Variants in NUBPL observed in about 807,000 individuals in gnomAD.
The protein encoded by NUBPL is iron-sulfur cluster transfer protein NUBPL.
Under a neutral mutation model 45.7 loss-of-function variants are expected in NUBPL, and 31 were observed. The ratio of observed to expected loss-of-function variants is 0.68; its 90% CI spans 0.51 to 0.92. NUBPL has a LOEUF of 0.92. Among genes scored for constraint, NUBPL ranks in the 40% least tolerant of loss-of-function variants. The pLI, the probability that NUBPL is intolerant of heterozygous loss-of-function variation, is 0.00. For missense variants in NUBPL, 401 were observed against 398.7 expected (o/e 1.01, Z -0.05); for synonymous variants, 144 against 140.9 (o/e 1.02, Z -0.15).
At chr14:31,610,608 C>CAAAAAAAAA (rs775656176) in intron 4 of NUBPL, among the ~76,000 whole-genome samples, 14 of 94,660 alleles carry the variant, frequency 1.5e-4, no homozygotes, top group South Asian at 3.9e-4. Context: ...AAAGATACAT[C>CAAAAAAAAA]AAAAAAAAAA....
At chr14:31,575,662 C>A (rs910417034) in intron 3 of NUBPL, among the ~76,000 whole-genome samples, 1 of 152,102 alleles carries the variant, frequency 6.6e-6, no homozygotes, top group African/African-American at 2.4e-5. Context: ...GGAGGCTCAT[C>A]TTTTCTTTAA....
chr14:31,605,890 T>TCTCCTCCCTTCTCCTTCCTCCTCTC (rs2034579208), intron 4 of NUBPL, among the ~76,000 whole-genome samples: 1 of 137,522 alleles, frequency 7.3e-6, no homozygotes, highest in Non-Finnish European at 1.6e-5. Flanking sequence ...CTCCTCCTTG[T>TCTCCTCCCTTCTCCTTCCTCCTCTC]CTCCTCCCTT....
chr14:31,846,608 T>C lies in NUBPL; in HGVS notation c.814+17T>C. ...AAGTTCTAGGTAAGACTGTGGGATG[T>C]TCTTTTGTAGAAGAAGTGGCAGAAG... On this transcript the variant is annotated intron_variant, in intron 9 of 10. Coordinates refer to ENST00000281081, the MANE Select transcript of NUBPL (RefSeq NM_025152.3). 1.2e-6 allele frequency: 2 copies of C among 1,613,000 alleles called. No individual in the cohort carries two copies. Among genetic ancestry groups the C allele is most frequent in the Non-Finnish European group, 1.7e-6 (2 of 1,179,492 alleles).
intron 7 of NUBPL, among the ~76,000 whole-genome samples, chr14:31,826,155 C>G (rs1489362656): frequency 1.3e-5 from 2 of 152,092 alleles, no homozygotes; most frequent in Non-Finnish European, 2.9e-5. Context: ...AAGTCTTGCT[C>G]TGTCACCCAG....
chr14:31,638,449 G>A (rs1292827496), intron 4 of NUBPL, among the ~76,000 whole-genome samples: 5 of 151,584 alleles, frequency 3.3e-5, no homozygotes, highest in Admixed American at 2.0e-4. Context: ...AGTTTCTGCC[G>A]AGAGATCCGC....
chr14:31,724,636 C>G (rs1189733408), intron 6 of NUBPL, among the ~76,000 whole-genome samples: 2 of 152,262 alleles, frequency 1.3e-5, no homozygotes, highest in South Asian at 2.1e-4. Context: ...CTGCTTTTTA[C>G]TTGAATTATT....
intron 4 of NUBPL, among the ~76,000 whole-genome samples, chr14:31,671,710 C>T (rs1056157197): frequency 1.3e-5 from 2 of 152,108 alleles, no homozygotes; most frequent in African/African-American, 4.8e-5. Flanking sequence ...TTAGTTTAGC[C>T]AGAAATTAAA....
chr14:31,616,648 A>C (rs890498814), intron 4 of NUBPL, among the ~76,000 whole-genome samples: 3 of 152,212 alleles, frequency 2.0e-5, no homozygotes, highest in Non-Finnish European at 4.4e-5. Context: ...TTTTGGTAGC[A>C]GTACCAAGCT....
intron 7 of NUBPL, among the ~76,000 whole-genome samples, chr14:31,814,274 C>G (rs557726905): frequency 6.6e-6 from 1 of 152,308 alleles, no homozygotes; most frequent in African/African-American, 2.4e-5. Flanking sequence ...TTGCATTTCT[C>G]TAATGACCAG....
At chr14:31,605,773 T>C (rs912966333) in intron 4 of NUBPL, among the ~76,000 whole-genome samples, 3 of 150,358 alleles carry the variant, frequency 2.0e-5, no homozygotes, top group Non-Finnish European at 3.0e-5. Context: ...TCCTTCTCCT[T>C]CTTCTTCTTC....
intron 3 of NUBPL, among the ~76,000 whole-genome samples, chr14:31,582,248 T>G (rs1245281905): frequency 6.6e-6 from 1 of 151,974 alleles, no homozygotes; most frequent in Non-Finnish European, 1.5e-5. Context: ...TTAATTTATA[T>G]GTAAATATAA....
chr14:31,609,332 G>T (rs1447265247), intron 4 of NUBPL, among the ~76,000 whole-genome samples: 1 of 152,050 alleles, frequency 6.6e-6, no homozygotes, highest in African/African-American at 2.4e-5. Context: ...GACAAAGAAG[G>T]TCACTATATA....
At chr14:31,629,947 T>G (rs2035299654) in intron 4 of NUBPL, among the ~76,000 whole-genome samples, 1 of 152,216 alleles carries the variant, frequency 6.6e-6, no homozygotes, top group Non-Finnish European at 1.5e-5. Flanking sequence ...GGAAAGATCT[T>G]GGGCTTTGGA....
At chr14:31,858,120 C>T (rs10141101) in intron 10 of NUBPL, among the ~76,000 whole-genome samples, 6,548 of 152,256 alleles carry the variant, frequency 0.043, 201 homozygotes, top group African/African-American at 0.087. Flanking sequence ...AGGAACAAGT[C>T]GTCTTACATG....
Position 31,600,419 on chromosome 14 carries a change from C to T in NUBPL, c.382+1040C>T, listed in dbSNP as rs565343153. ...CATTCAGACTGGGACCATACAGACA[C>T]GCCAGTTCATCTAATGTGCATAGCT... is the stretch of plus-strand genomic sequence containing the variant. On this transcript the variant is annotated intron_variant, in intron 4 of 10. Transcript: ENST00000281081. Among the ~76,000 whole-genome samples, 14 of 152,190 alleles carry T rather than the reference C, an allele frequency of 9.2e-5. No individual in the cohort carries two copies. In the South Asian group the frequency reaches 1.7e-3, roughly 18 times the overall value.
At chr14:31,857,007 C>T (rs2040633024) in intron 10 of NUBPL, among the ~76,000 whole-genome samples, 1 of 152,184 alleles carries the variant, frequency 6.6e-6, no homozygotes, top group Non-Finnish European at 1.5e-5. Context: ...GGCTCTGACC[C>T]CACATTTCTC....
At chr14:31,619,351 C>T (rs1159716755) in intron 4 of NUBPL, among the ~76,000 whole-genome samples, 1 of 152,132 alleles carries the variant, frequency 6.6e-6, no homozygotes, top group Non-Finnish European at 1.5e-5. Flanking sequence ...TTATTTTGCC[C>T]ATTAGTTGAT....
intron 7 of NUBPL, among the ~76,000 whole-genome samples, chr14:31,795,221 T>C (rs2039460711): frequency 6.6e-6 from 1 of 151,430 alleles, no homozygotes; most frequent in African/African-American, 2.4e-5. Context: ...GCAGGCTCTT[T>C]TTTGATTCCA....
At chr14:31,831,573 T>C (rs577223640) in intron 8 of NUBPL, among the ~76,000 whole-genome samples, 1 of 152,150 alleles carries the variant, frequency 6.6e-6, no homozygotes, top group African/African-American at 2.4e-5. Context: ...GCCTGGAAGA[T>C]GTAGTTTCTC....
Sources: allele counts gnomAD v4.1 joint callset (sites outside exome capture counted in the v4.1 genomes callset), GRCh38; gene constraint gnomAD v4.1.1; transcripts MANE v1.5; gene names NCBI Gene and HGNC (gene_info 2026-07-23, HGNC 2026-07-21).